The following POLR2G variants were observed in gnomAD, a reference collection of about 807,000 sequenced individuals.
POLR2G encodes the protein RNA polymerase II subunit G, also known as DNA-directed RNA polymerase II subunit RPB7.
In POLR2G, 19 loss-of-function variants were observed where a neutral mutation model predicts 25.7. That is an observed-to-expected ratio of 0.74 (90% CI 0.52 to 1.08). POLR2G has a LOEUF of 1.08. Among genes scored for constraint, POLR2G ranks in the 50% least tolerant of loss-of-function variants. The pLI, the probability that POLR2G is intolerant of heterozygous loss-of-function variation, is 0.00. For missense variants in POLR2G, 123 were observed against 218.5 expected (o/e 0.56, Z 2.76); for synonymous variants, 79 against 76.0 (o/e 1.04, Z -0.21).
At chr11:62,764,011 G>T (rs2084102469) in intron 3 of POLR2G, among the ~76,000 whole-genome samples, 1 of 151,688 alleles carries the variant, frequency 6.6e-6, no homozygotes, top group East Asian at 2.0e-4. Context: ...CAAAGTGCTG[G>T]GATTATAGGC....
rs746174706 is a variant in POLR2G, at chr11:62,761,605, A to G, written c.-44A>G. ...AAGTGTTTCCGGTGGATTCCCAGGG[A>G]CTGTCGGAGGTGTGGACTCTGCCTG... On this transcript the variant is annotated 5_prime_UTR_variant, in exon 1 of 8. Coordinates refer to ENST00000301788, the MANE Select transcript of POLR2G (RefSeq NM_002696.3). 4 of 1,581,692 alleles carry G rather than the reference A, an allele frequency of 2.5e-6. No homozygotes were observed. The African/African-American group carries it at 5.4e-5, about 21-fold the overall frequency.
intron 5 of POLR2G, 71 bp from the exon 6 acceptor site, chr11:62,765,582 C>G: frequency 8.4e-7 from 1 of 1,187,382 alleles, no homozygotes; most frequent in South Asian, 1.2e-5. Flanking sequence ...CCCGGGCTTA[C>G]AGTGAAGTGA....
chr11:62,765,858 GCTCAC>G, intron 6 of POLR2G, 134 bp downstream of exon 6: 1 of 632,174 alleles, frequency 1.6e-6, no homozygotes, highest in Non-Finnish European at 2.8e-6. Flanking sequence ...CGCGATCTCG[GCTCAC>G]TGCAAGCTCT....
rs2134859271 is a variant in POLR2G, at chr11:62,766,603, G to A, written c.*96G>A. On this transcript the variant is annotated 3_prime_UTR_variant, in exon 8 of 8. Coordinates refer to ENST00000301788, the MANE Select transcript of POLR2G (RefSeq NM_002696.3). ...GTCCAGTCTGGCTGCTGTTGTGGAGGCAAGGAAGGCAACTCATCCCAGAAG... is the reference window on the plus strand; with the variant it reads ...GTCCAGTCTGGCTGCTGTTGTGGAGACAAGGAAGGCAACTCATCCCAGAAG... The A allele has an allele frequency of 2.6e-6, 3 of 1,166,776 alleles. No homozygotes were observed. Among genetic ancestry groups the A allele is most frequent in the East Asian group, 4.7e-5 (2 of 42,586 alleles). The allele number at this position is 1,166,776 out of a possible 1,614,324, so 72.3% of individuals were successfully genotyped here. A position where few individuals can be genotyped will look rare whatever the true frequency, so the allele number is the denominator to read the frequency against.
rs775047075 is a variant in POLR2G, at chr11:62,765,322, A to G, written c.334-18A>G. 6.2e-7 allele frequency: 1 copy of G among 1,609,858 alleles called. No individual in the cohort carries two copies. Among genetic ancestry groups the G allele is most frequent in the Admixed American group, 1.7e-5 (1 of 59,984 alleles). ...GCATCCATTTAAAGTGCTAACCTAG[A>G]TCTCACTTTCCTTTCAGTCCATCCC... is the stretch of plus-strand genomic sequence containing the variant. On this transcript the variant is annotated intron_variant, in intron 4 of 7. Coordinates refer to ENST00000301788, the MANE Select transcript of POLR2G (RefSeq NM_002696.3).
At chr11:62,765,149 G>T (rs2084108968) in intron 3 of POLR2G, 33 bp from the exon 4 acceptor site, 3 of 1,605,764 alleles carry the variant, frequency 1.9e-6, no homozygotes, top group Non-Finnish European at 2.6e-6. Context: ...GAGCCACCGT[G>T]CACGGCCGTA....
Position 62,766,555 on chromosome 11 carries a change from C to G in POLR2G, c.*48C>G. 6.3e-7 allele frequency: 1 copy of G among 1,579,070 alleles called. No individual in the cohort carries two copies. Among genetic ancestry groups the G allele is most frequent in the Non-Finnish European group, 8.7e-7 (1 of 1,148,662 alleles). On this transcript the variant is annotated 3_prime_UTR_variant, in exon 8 of 8. Coordinates refer to ENST00000301788, the MANE Select transcript of POLR2G (RefSeq NM_002696.3). ...GTCCTACTCTAGGAAGTGTGATTGT[C>G]ACACTTATCATGTTGTCCAGAGGTC... is the stretch of plus-strand genomic sequence containing the variant.
chr11:62,765,288 T>C (rs2084109799), intron 4 of POLR2G, 52 bp from the exon 5 acceptor site: 1 of 1,604,036 alleles, frequency 6.2e-7, no homozygotes, highest in Non-Finnish European at 8.5e-7. Context: ...TTCATCACCA[T>C]CTATTGAAGC....
At chr11:62,764,218 T>C (rs1005024764) in intron 3 of POLR2G, among the ~76,000 whole-genome samples, 2 of 151,470 alleles carry the variant, frequency 1.3e-5, no homozygotes, top group African/African-American at 4.9e-5. Context: ...CCCAGCACTT[T>C]GGGAGGCTGA....
At chr11:62,764,035 C>A (rs1211501531) in intron 3 of POLR2G, among the ~76,000 whole-genome samples, 1 of 151,686 alleles carries the variant, frequency 6.6e-6, no homozygotes, top group Non-Finnish European at 1.5e-5. Context: ...AGCCACCGTG[C>A]CCGGCCAGTG....
chr11:62,762,767 C>T, intron 2 of POLR2G, 100 bp from the exon 3 acceptor site: 2 of 910,520 alleles, frequency 2.2e-6, no homozygotes, highest in Non-Finnish European at 3.5e-6. Flanking sequence ...TCCTTTTGCT[C>T]TCCCCGACCC....
In POLR2G at chr11:62,763,045, G is replaced by T; in HGVS notation, c.282+19G>T. 6.4e-7 allele frequency: 1 copy of T among 1,551,866 alleles called. No individual in the cohort carries two copies. The highest frequency in any genetic ancestry group is 1.2e-5 in the South Asian group (1 of 85,440). On this transcript the variant is annotated intron_variant, in intron 3 of 7. Transcript: ENST00000301788. The stretch of plus-strand genomic sequence containing the variant: ...CAACAAGGTGAGACCATACATAGGG[G>T]AGGCAGTGGGGTAGTCTCTCGGAAG...
In POLR2G at chr11:62,761,611, G is replaced by T; in HGVS notation, c.-38G>T. 1 of 1,591,406 alleles carries T rather than the reference G, an allele frequency of 6.3e-7. No individual in the cohort carries two copies. Among genetic ancestry groups the T allele is most frequent in the Non-Finnish European group, 8.6e-7 (1 of 1,168,190 alleles). On this transcript the variant is annotated 5_prime_UTR_variant, in exon 1 of 8. Coordinates refer to ENST00000301788, the MANE Select transcript of POLR2G (RefSeq NM_002696.3). ...TTCCGGTGGATTCCCAGGGACTGTC[G>T]GAGGTGTGGACTCTGCCTGCCTACC...
chr11:62,766,139 T>G (rs2084114894), intron 6 of POLR2G, 104 bp from the exon 7 acceptor site: 1 of 996,072 alleles, frequency 1.0e-6, no homozygotes, highest in South Asian at 1.3e-5. Flanking sequence ...TGTGCTCTTC[T>G]GCCAGGAAGA....
intron 2 of POLR2G, chr11:62,762,586 A>G (rs748015364): frequency 1.9e-6 from 1 of 527,720 alleles, no homozygotes; most frequent in Non-Finnish European, 3.7e-6. Flanking sequence ...CATTTTAAGA[A>G]GATGATTCTC....
chr11:62,762,145 C>A (rs188165795), intron 2 of POLR2G: 2 of 535,042 alleles, frequency 3.7e-6, no homozygotes, highest in Admixed American at 6.3e-5. Flanking sequence ...TTTTAAAAAC[C>A]CTTGGTGTGT....
chr11:62,766,170 C>T (rs1424458794), intron 6 of POLR2G, 73 bp from the exon 7 acceptor site: 1 of 1,250,206 alleles, frequency 8.0e-7, no homozygotes, highest in Non-Finnish European at 1.2e-6. Context: ...GGGCAGAAGG[C>T]CTGGGGCTGC....
In POLR2G at chr11:62,761,640, T is replaced by G; in HGVS notation, c.-9T>G. 6.2e-7 allele frequency: 1 copy of G among 1,610,518 alleles called. No individual in the cohort carries two copies. Among genetic ancestry groups the G allele is most frequent in the Non-Finnish European group, 8.5e-7 (1 of 1,177,902 alleles). ...GTGTGGACTCTGCCTGCCTACCTGG[T>G]CTGGGAAGATGTTCTACCATGTGAG... On this transcript the variant is annotated 5_prime_UTR_variant, in exon 1 of 8. Transcript: ENST00000301788.
chr11:62,761,645 G>A lies in POLR2G; in HGVS notation c.-4G>A, dbSNP rs765226659. On this transcript the variant is annotated 5_prime_UTR_variant, in exon 1 of 8. Coordinates refer to ENST00000301788, the MANE Select transcript of POLR2G (RefSeq NM_002696.3). ...GACTCTGCCTGCCTACCTGGTCTGGGAAGATGTTCTACCATGTGAGCAGGG... is the reference window on the plus strand; with the variant it reads ...GACTCTGCCTGCCTACCTGGTCTGGAAAGATGTTCTACCATGTGAGCAGGG... 2 of 1,611,442 alleles carry A rather than the reference G, an allele frequency of 1.2e-6. No individual in the cohort carries two copies. The highest frequency in any genetic ancestry group is 3.4e-5 in the Admixed American group (2 of 59,636).
Sources: gnomAD v4.1 joint callset for allele counts (sites outside exome capture counted in the v4.1 genomes callset) on GRCh38, gnomAD v4.1.1 for gene constraint, MANE v1.5 for transcripts, NCBI Gene and HGNC (gene_info 2026-07-23, HGNC 2026-07-21) for gene names.